The following SAP130 variants were observed in gnomAD, a reference collection of about 807,000 sequenced individuals.
SAP130 encodes Sin3A associated protein 130.
In SAP130, 16 loss-of-function variants were observed where a neutral mutation model predicts 103.2. The observed-to-expected ratio is 0.16, with a 90% CI of 0.10 to 0.24. The LOEUF is 0.24. Among genes scored for constraint, SAP130 ranks in the 10% least tolerant of loss-of-function variants. The pLI, the probability that SAP130 is intolerant of heterozygous loss-of-function variation, is 1.00. For synonymous variants in SAP130, 477 were observed against 497.0 expected (o/e 0.96, Z 0.53); for missense variants, 990 against 1,359.7 (o/e 0.73, Z 4.28).
chr2:128,023,303 G>A (rs760207995), intron 2 of SAP130, among the ~76,000 whole-genome samples: 6 of 151,896 alleles, frequency 4.0e-5, no homozygotes, highest in African/African-American at 7.3e-5. Context: ...GCCTGGCCTC[G>A]GCTAATTTTT....
intron 16 of SAP130, among the ~76,000 whole-genome samples, chr2:127,954,725 A>G (rs1399715547): frequency 6.6e-6 from 1 of 152,224 alleles, no homozygotes; most frequent in Admixed American, 6.5e-5. Context: ...ATGTTGAAGG[A>G]TATCCATGGG....
chr2:127,988,585 C>T (rs960183180), intron 13 of SAP130, among the ~76,000 whole-genome samples: 3 of 151,730 alleles, frequency 2.0e-5, no homozygotes, highest in African/African-American at 7.3e-5. Context: ...TGTAATGACT[C>T]ATGCTTGTAA....
At chr2:128,027,512 G>C (rs986256309) in intron 1 of SAP130, among the ~76,000 whole-genome samples, 1 of 152,100 alleles carries the variant, frequency 6.6e-6, no homozygotes, top group South Asian at 2.1e-4. Flanking sequence ...CGGCGAAGGG[G>C]GCGGGGAGCG....
intron 15 of SAP130, among the ~76,000 whole-genome samples, chr2:127,956,665 C>A (rs763750001): frequency 2.4e-4 from 34 of 142,576 alleles, no homozygotes; most frequent in Non-Finnish European, 4.7e-4. Flanking sequence ...AACAAACCTG[C>A]ACATTGTGCA....
rs1394483085 is a variant in SAP130 at position 127,999,816 on chromosome 2, T to A, written c.1138A>T (p.Ser380Cys). 3 of 1,535,836 alleles carry A rather than the reference T, an allele frequency of 2.0e-6. No homozygotes were observed. The highest frequency in any genetic ancestry group is 2.6e-6 in the Non-Finnish European group (3 of 1,145,080). Residue 380 changes from serine to cysteine, a missense_variant, in exon 10 of 21, where the codon AGT becomes TGT. Ser to Cys is a moderately radical substitution (Grantham distance 112). This residue lies in a region of SAP130 where 336 missense variants were observed against 520.1 expected (regional missense o/e 0.65). Transcript: ENST00000643581. ...GSVSHTQAPT[S>C]TIVTMTVPSH... The stretch of plus-strand genomic sequence containing the variant: ...GGTACTGTCATGGTAACAATGGTAC[T>A]TGTGGGAGCTTGCGTGTGTGACACA...
At chr2:128,027,598 C>G (rs1685615979) in intron 1 of SAP130, among the ~76,000 whole-genome samples, 1 of 151,126 alleles carries the variant, frequency 6.6e-6, no homozygotes, top group South Asian at 2.1e-4. Flanking sequence ...TTAAACTGCT[C>G]CAGGAGCCAA....
intron 7 of SAP130, among the ~76,000 whole-genome samples, chr2:128,004,132 G>A (rs1683791889): frequency 6.6e-6 from 1 of 151,780 alleles, no homozygotes; most frequent in Non-Finnish European, 1.5e-5. Context: ...TAGCTTATTT[G>A]GAGGACAAGG....
At chr2:127,987,692 G>C (rs1425777228) in intron 13 of SAP130, among the ~76,000 whole-genome samples, 1 of 152,036 alleles carries the variant, frequency 6.6e-6, no homozygotes, top group Non-Finnish European at 1.5e-5. Context: ...GCCACAAATA[G>C]AAAACACTAT....
rs762360561 is a variant in SAP130 at position 128,026,236 on chromosome 2, G to C, written c.57C>G (p.Ala19=). The C allele has an allele frequency of 6.2e-7, 1 of 1,614,120 alleles. No homozygotes were observed. Among genetic ancestry groups the C allele is most frequent in the Non-Finnish European group, 8.5e-7 (1 of 1,180,024 alleles). ...AACCACTGTTTGCAATCTGAGAAGGGGCCTGGCTCAGCCCGGTAGAAGGGG... is the reference window on the plus strand; with the variant it reads ...AACCACTGTTTGCAATCTGAGAAGGCGCCTGGCTCAGCCCGGTAGAAGGGG... ...LGAPSTGLSQ[A]PSQIANSGSA... is the part of the protein sequence containing the mutation. The change falls in exon 2 of 21, where the codon GCC becomes GCG. Residue 19 remains alanine (A), a synonymous_variant. Coordinates refer to ENST00000643581, the MANE Select transcript of SAP130 (RefSeq NM_001330301.2).
intron 15 of SAP130, among the ~76,000 whole-genome samples, chr2:127,967,370 G>A (rs1266368449): frequency 6.6e-6 from 1 of 152,164 alleles, no homozygotes; most frequent in East Asian, 1.9e-4. Context: ...ATTAAAGGGA[G>A]AGACAGAGAG....
In SAP130 at chr2:127,996,925, T is replaced by C. The variant is rs1266026788; in HGVS notation, c.1214-434A>G. ...GACTGGGACCCTGTCTCAAAATAAA[T>C]AAATAAACACACAATTTTGGATTAA... On this transcript the variant is annotated intron_variant, in intron 10 of 20. Transcript: ENST00000643581. The surrounding 1 kb of genome is among the most constrained non-coding windows in gnomAD (Gnocchi z 4.3). 6.6e-6 allele frequency among the ~76,000 whole-genome samples: 1 copy of C among 151,954 alleles called. No homozygotes were observed. The highest frequency in any genetic ancestry group is 1.5e-5 in the Non-Finnish European group (1 of 67,982).
In SAP130 at chr2:128,017,934, G is replaced by C; in HGVS notation, c.113-19C>G. On this transcript the variant is annotated intron_variant, in intron 2 of 20. Transcript: ENST00000643581. ...TCATTGACTAGTAAAGACATTAAGA[G>C]TGAGACAGTATGTCACAGTCTCCCA... The C allele has an allele frequency of 6.3e-7, 1 of 1,589,028 alleles. No homozygotes were observed. Among genetic ancestry groups the C allele is most frequent in the African/African-American group, 1.3e-5 (1 of 74,504 alleles).
intron 15 of SAP130, among the ~76,000 whole-genome samples, chr2:127,967,522 C>A (rs553196714): frequency 6.6e-6 from 1 of 152,296 alleles, no homozygotes; most frequent in Admixed American, 6.5e-5. Context: ...CCTTAGCCTC[C>A]CGAGTAGCTG....
chr2:128,000,431 T>C lies in SAP130; in HGVS notation c.893A>G (p.His298Arg), dbSNP rs1286420524. The C allele has an allele frequency of 6.2e-7, 1 of 1,614,176 alleles. No individual in the cohort carries two copies. Among genetic ancestry groups the C allele is most frequent in the Non-Finnish European group, 8.5e-7 (1 of 1,180,016 alleles). The change falls in exon 8 of 21, where the codon CAT (histidine) becomes CGT (arginine). Residue 298 changes from histidine to arginine, a missense_variant. By Grantham distance (29) the His-to-Arg change is conservative. Around this residue, in one of 6 missense-constraint regions of SAP130, gnomAD observed 336 missense variants for 520.1 expected, o/e 0.65. Coordinates refer to ENST00000643581, the MANE Select transcript of SAP130 (RefSeq NM_001330301.2). The part of the protein sequence containing the change: ...ALSRPTLSIQ[H>R]PPSAAISIQR... ...AATACTGATTGCTGCAGATGGAGGA[T>C]GCTGGATAGACAAGGTTGGCCTACT...
At chr2:127,971,813 T>C (rs1681114483) in intron 15 of SAP130, among the ~76,000 whole-genome samples, 1 of 152,234 alleles carries the variant, frequency 6.6e-6, no homozygotes, top group Non-Finnish European at 1.5e-5. Context: ...GGTGGCATGT[T>C]TCATTATAAA....
chr2:127,999,632 A>T, intron 10 of SAP130, 109 bp downstream of exon 10: 4 of 507,144 alleles, frequency 7.9e-6, no homozygotes, highest in Non-Finnish European at 1.4e-5. Context: ...AAAAAAAAAG[A>T]GGAAATCAAC....
At position 128,017,693 on chromosome 2, in the gene SAP130, T is replaced by G; in HGVS notation, c.335A>C (p.Glu112Ala). Residue 112 changes from glutamate (E) to alanine (A), a missense_variant, in exon 3 of 21, where the codon GAG becomes GCG. By Grantham distance (107) the Glu-to-Ala change is moderately radical. Coordinates refer to ENST00000643581, the MANE Select transcript of SAP130 (RefSeq NM_001330301.2). The part of the protein sequence containing the change: ...LTPAVPLSFS[E>A]GLMKPPPKPT... ...CCTCTCCATTACCTTCATAAGTCCC[T>G]CCGAAAATGAAAGTGGCACTGCTGG... 6.2e-7 allele frequency: 1 copy of G among 1,614,122 alleles called. No individual in the cohort carries two copies. Among genetic ancestry groups the G allele is most frequent in the Non-Finnish European group, 8.5e-7 (1 of 1,179,980 alleles).
At chr2:127,943,220 CA>C (rs1479015700) in intron 19 of SAP130, among the ~76,000 whole-genome samples, 1 of 152,088 alleles carries the variant, frequency 6.6e-6, no homozygotes, top group Non-Finnish European at 1.5e-5. Flanking sequence ...TGACAACAGA[CA>C]ATGTTCTTCA....
At position 127,986,689 on chromosome 2, in the gene SAP130, A is replaced by G; in HGVS notation, c.1958+96T>C. ...TTTAACACACCACAGAAAATGAGAG[A>G]TGAGTTTGATACCAGCATTAGATAA... is the stretch of plus-strand genomic sequence containing the variant. On this transcript the variant is annotated intron_variant, in intron 14 of 20. Transcript: ENST00000643581. The surrounding 1 kb of genome is among the most constrained non-coding windows in gnomAD (Gnocchi z 4.7). The G allele has an allele frequency of 7.7e-7, 1 of 1,301,792 alleles. No individual in the cohort carries two copies. Among genetic ancestry groups the G allele is most frequent in the Non-Finnish European group, 1.1e-6 (1 of 932,228 alleles). 80.6% of individuals were successfully genotyped at this position (1,301,792 alleles called of 1,614,324 possible).
Sources: gnomAD v4.1 joint callset for allele counts (sites outside exome capture counted in the v4.1 genomes callset) on GRCh38, gnomAD v4.1.1 for gene constraint, gnomAD v4.1.1 regional missense constraint, Gnocchi (gnomAD v3.1) non-coding constraint, MANE v1.5 for transcripts, NCBI Gene and HGNC (gene_info 2026-07-23, HGNC 2026-07-21) for gene names.